ULK4: variants seen among roughly 807,000 people sequenced by gnomAD.
ULK4 encodes the protein unc-51 like kinase 4.
In ULK4, 133 loss-of-function variants were observed where a neutral mutation model predicts 160.6. That is an observed-to-expected ratio of 0.83 (90% confidence interval 0.72 to 0.96). The LOEUF (loss-of-function observed/expected upper bound fraction) is 0.96. Among genes scored for constraint, ULK4 ranks in the 40% least tolerant of loss-of-function variants. The pLI is 0.00. For synonymous variants in ULK4, 534 were observed against 539.8 expected (o/e 0.99, Z 0.15); for missense variants, 1,580 against 1,499.5 (o/e 1.05, Z -0.89).
intron 35 of ULK4, among the ~76,000 whole-genome samples, chr3:41,289,898 G>C (rs59575722): frequency 6.6e-6 from 1 of 151,474 alleles, no homozygotes; most frequent in East Asian, 1.9e-4. Context: ...TATGTGTGAC[G>C]GAGTTTTGCT....
chr3:41,703,866 ACACACAC>A (rs780750054), intron 27 of ULK4, among the ~76,000 whole-genome samples: 337 of 151,126 alleles, frequency 2.2e-3, no homozygotes, highest in African/African-American at 7.4e-3. Context: ...ACACACACAC[ACACACAC>A]ACAAGTTAAC....
At chr3:41,413,096 G>C (rs2082443289) in intron 34 of ULK4, among the ~76,000 whole-genome samples, 1 of 152,102 alleles carries the variant, frequency 6.6e-6, no homozygotes, top group Admixed American at 6.5e-5. Context: ...AAGGTGAAAG[G>C]TACATCTCAC....
At chr3:41,501,007 A>C (rs1202099233) in intron 32 of ULK4, among the ~76,000 whole-genome samples, 2 of 152,198 alleles carry the variant, frequency 1.3e-5, no homozygotes, top group East Asian at 3.8e-4. Context: ...AGCACAGCTC[A>C]ACATCAATAG....
At chr3:41,800,107 T>G (rs200776201) in intron 20 of ULK4, 25 bp downstream of exon 20, 19 of 1,547,390 alleles carry the variant, frequency 1.2e-5, no homozygotes, top group Non-Finnish European at 1.6e-5. Flanking sequence ...CCCAGACATA[T>G]CCCCCAAAAG....
intron 35 of ULK4, among the ~76,000 whole-genome samples, chr3:41,311,261 T>C (rs551144068): frequency 1.3e-5 from 2 of 152,286 alleles, no homozygotes; most frequent in South Asian, 2.1e-4. Context: ...CGTGAGGGCG[T>C]TGCCAAAGGA....
chr3:41,264,721 A>G (rs1199259239), intron 35 of ULK4, among the ~76,000 whole-genome samples: 1 of 152,256 alleles, frequency 6.6e-6, no homozygotes, highest in Non-Finnish European at 1.5e-5. Context: ...TTAATCGACA[A>G]TTATAAGCAA....
intron 17 of ULK4, among the ~76,000 whole-genome samples, chr3:41,844,540 G>A (rs1186599477): frequency 2.0e-5 from 3 of 152,104 alleles, no homozygotes; most frequent in Non-Finnish European, 2.9e-5. Flanking sequence ...TGCCGCTCGC[G>A]CCTCTCCCTC....
At chr3:41,571,682 C>T (rs2087978537) in intron 31 of ULK4, among the ~76,000 whole-genome samples, 1 of 152,200 alleles carries the variant, frequency 6.6e-6, no homozygotes, top group African/African-American at 2.4e-5. Context: ...ATGATTCTGA[C>T]TAAAGACTAT....
intron 22 of ULK4, among the ~76,000 whole-genome samples, chr3:41,749,719 C>T (rs978050627): frequency 5.3e-5 from 8 of 152,034 alleles, no homozygotes; most frequent in Non-Finnish European, 1.0e-4. Flanking sequence ...TAATTAAAGT[C>T]CCAATTCCAT....
chr3:41,910,372 T>C (rs1418686919), intron 11 of ULK4, among the ~76,000 whole-genome samples: 1 of 152,064 alleles, frequency 6.6e-6, no homozygotes, highest in Non-Finnish European at 1.5e-5. Flanking sequence ...GCCTGGTGGA[T>C]CACCTAAGGT....
intron 5 of ULK4, among the ~76,000 whole-genome samples, chr3:41,925,376 T>A (rs955861997): frequency 6.6e-6 from 1 of 152,184 alleles, no homozygotes; most frequent in African/African-American, 2.4e-5. Context: ...CCGGCCCACA[T>A]ACTGCATTTT....
Position 41,500,280 on chromosome 3 carries a change from CT to C in ULK4, c.3227-37028del, listed in dbSNP as rs34817731. On this transcript the variant is annotated intron_variant, in intron 32 of 36. Transcript: ENST00000301831. ...CCTAGCTCATTAATTTTCATCTTAT[CT>C]TTTTTTTTTTTTCCTACTGAAATCA... Among the ~76,000 whole-genome samples, 867 of 139,850 alleles carry C rather than the reference CT, an allele frequency of 6.2e-3. 11 individuals carry two copies. Among genetic ancestry groups the C allele is most frequent in the African/African-American group, 0.021 (790 of 38,072 alleles). The allele number at this position is 139,850 out of a possible 152,430, so 91.7% of individuals were successfully genotyped here.
intron 12 of ULK4, among the ~76,000 whole-genome samples, chr3:41,902,472 G>A (rs1462573154): frequency 6.6e-6 from 1 of 151,864 alleles, no homozygotes. Context: ...CAGCTACTTA[G>A]GGGGCTGAGG....
intron 1 of ULK4, among the ~76,000 whole-genome samples, chr3:41,960,629 T>A (rs1390346701): frequency 1.3e-5 from 2 of 152,162 alleles, no homozygotes; most frequent in African/African-American, 4.8e-5. Flanking sequence ...CCTTCCAAAG[T>A]GCTAGGATTA....
intron 35 of ULK4, among the ~76,000 whole-genome samples, chr3:41,267,959 G>A (rs947934894): frequency 1.3e-5 from 2 of 152,212 alleles, no homozygotes; most frequent in African/African-American, 4.8e-5. Context: ...AGCTGTGTTT[G>A]ATTCAGTGGC....
intron 30 of ULK4, among the ~76,000 whole-genome samples, chr3:41,617,581 A>C (rs151319479): frequency 0.013 from 1,915 of 152,288 alleles, 25 homozygotes; most frequent in Non-Finnish European, 0.017. Flanking sequence ...ATCAACATCA[A>C]CATAAAAAAC....
At chr3:41,431,468 C>CA (rs1575549884) in intron 34 of ULK4, among the ~76,000 whole-genome samples, 2 of 149,160 alleles carry the variant, frequency 1.3e-5, no homozygotes, top group East Asian at 3.9e-4. Context: ...TAACATATGC[C>CA]AAGGGCTGTG....
intron 20 of ULK4, among the ~76,000 whole-genome samples, chr3:41,790,147 C>T (rs1168512717): frequency 2.0e-5 from 3 of 152,162 alleles, no homozygotes; most frequent in African/African-American, 7.2e-5. Flanking sequence ...TTATCAAACA[C>T]CTGCAGACAA....
At chr3:41,713,456 T>C (rs2037169227) in intron 25 of ULK4, among the ~76,000 whole-genome samples, 1 of 152,144 alleles carries the variant, frequency 6.6e-6, no homozygotes, top group South Asian at 2.1e-4. Flanking sequence ...ATACAAAAGG[T>C]GAACACACAG....
Sources: gnomAD v4.1 joint callset for allele counts (sites outside exome capture counted in the v4.1 genomes callset) on GRCh38, gnomAD v4.1.1 for gene constraint, MANE v1.5 for transcripts, NCBI Gene and HGNC (gene_info 2026-07-23, HGNC 2026-07-21) for gene names.